The following GALNT13 variants were observed in gnomAD, a reference collection of about 807,000 sequenced individuals.
GALNT13 encodes the protein UDP-GalNAc:polypeptide N-acetylgalactosaminyltransferase 13.
Under a neutral mutation model 64.2 loss-of-function variants are expected in GALNT13, and 28 were observed. That is an observed-to-expected ratio of 0.44 (90% CI 0.32 to 0.60). The LOEUF is 0.60. GALNT13 is among the 20% of genes least tolerant of loss of function. The pLI is 0.05. For missense variants in GALNT13, 577 were observed against 669.8 expected, an observed-to-expected ratio of 0.86 and a Z score of 1.53; for synonymous variants, 214 against 224.6, an observed-to-expected ratio of 0.95 and a Z score of 0.42.
chr2:153,235,546 A>G, the GALNT13 span, among the ~76,000 whole-genome samples: 1 of 152,150 alleles, frequency 6.6e-6, no homozygotes, highest in Non-Finnish European at 1.5e-5. Context: ...CCTCACTGGC[A>G]TCTTAAATCT....
chr2:153,386,039 A>G, the GALNT13 span, among the ~76,000 whole-genome samples: 1 of 151,904 alleles, frequency 6.6e-6, no homozygotes, highest in African/African-American at 2.4e-5. Flanking sequence ...ATCAATGTCA[A>G]AATAACTGTC....
At chr2:153,341,607 T>TA in the GALNT13 span, among the ~76,000 whole-genome samples, 1 of 152,198 alleles carries the variant, frequency 6.6e-6, no homozygotes, top group Non-Finnish European at 1.5e-5. Context: ...TGGTAAGTGA[T>TA]AAACAAAATT....
At chr2:153,374,852 C>T in the GALNT13 span, among the ~76,000 whole-genome samples, 1 of 152,126 alleles carries the variant, frequency 6.6e-6, no homozygotes, top group Admixed American at 6.6e-5. Context: ...TTGCTTTTTC[C>T]CTCACCTCTT....
chr2:154,315,824 T>C (rs1382460140), intron 9 of GALNT13, among the ~76,000 whole-genome samples: 5 of 152,214 alleles, frequency 3.3e-5, no homozygotes, highest in Admixed American at 3.3e-4. Flanking sequence ...AATTAAGATA[T>C]ATTCTAAGCA....
the GALNT13 span, among the ~76,000 whole-genome samples, chr2:153,374,168 A>G: frequency 6.6e-6 from 1 of 152,178 alleles, no homozygotes; most frequent in East Asian, 1.9e-4. Flanking sequence ...AAGAATTGCC[A>G]TACCATTTTG....
chr2:153,870,027 A>T (rs1685823610), upstream of GALNT13, among the ~76,000 whole-genome samples: 3 of 151,922 alleles, frequency 2.0e-5, no homozygotes, highest in Non-Finnish European at 4.4e-5. Context: ...CACCCTCAAG[A>T]CTAATAAGTA....
the GALNT13 span, among the ~76,000 whole-genome samples, chr2:153,678,824 C>G: frequency 6.6e-6 from 1 of 151,948 alleles, no homozygotes; most frequent in Non-Finnish European, 1.5e-5. Flanking sequence ...AAGGGACAGA[C>G]AGGGGTAGGT....
At chr2:153,433,753 A>G in the GALNT13 span, among the ~76,000 whole-genome samples, 1 of 152,174 alleles carries the variant, frequency 6.6e-6, no homozygotes, top group Admixed American at 6.6e-5. Context: ...AAGAGTTTTA[A>G]CATCATTAAA....
the GALNT13 span, among the ~76,000 whole-genome samples, chr2:153,772,845 T>C: frequency 6.6e-6 from 1 of 152,208 alleles, no homozygotes. Flanking sequence ...GGCCAGATGG[T>C]AACAACCCTG....
At chr2:153,679,662 C>G in the GALNT13 span, among the ~76,000 whole-genome samples, 1 of 151,962 alleles carries the variant, frequency 6.6e-6, no homozygotes, top group Non-Finnish European at 1.5e-5. Flanking sequence ...AAAAATTTCT[C>G]CCACAAATCT....
the GALNT13 span, among the ~76,000 whole-genome samples, chr2:153,181,848 T>C: frequency 6.8e-6 from 1 of 146,420 alleles, no homozygotes; most frequent in Non-Finnish European, 1.5e-5. Context: ...TATATAATTA[T>C]ATAAGTATAT....
chr2:153,393,992 C>A, the GALNT13 span, among the ~76,000 whole-genome samples: 15,889 of 50,978 alleles, frequency 0.31, 851 homozygotes, highest in Middle Eastern at 0.4. Context: ...ACACACACAC[C>A]CCCTATTGGT....
chr2:154,329,110 T>C (rs572738682), intron 9 of GALNT13, among the ~76,000 whole-genome samples: 1 of 152,272 alleles, frequency 6.6e-6, no homozygotes, highest in East Asian at 1.9e-4. Flanking sequence ...ATTTGGTTCC[T>C]TTTTTCTTTT....
chr2:153,365,213 C>T, the GALNT13 span, among the ~76,000 whole-genome samples: 1 of 152,122 alleles, frequency 6.6e-6, no homozygotes, highest in Admixed American at 6.5e-5. Flanking sequence ...AACTGGACCC[C>T]TTCCTCACAC....
At chr2:154,022,564 C>A (rs980748517) in intron 3 of GALNT13, among the ~76,000 whole-genome samples, 3 of 151,842 alleles carry the variant, frequency 2.0e-5, no homozygotes, top group Non-Finnish European at 4.4e-5. Context: ...TTTTTTATTG[C>A]GTCTATCTGA....
intron 4 of GALNT13, among the ~76,000 whole-genome samples, chr2:154,226,493 A>T (rs1384917436): frequency 6.6e-6 from 1 of 152,196 alleles, no homozygotes; most frequent in Non-Finnish European, 1.5e-5. Flanking sequence ...AGAATAAAAT[A>T]CAAAGAGAAA....
chr2:153,201,980 T>C, the GALNT13 span, among the ~76,000 whole-genome samples: 3 of 146,276 alleles, frequency 2.1e-5, no homozygotes, highest in Admixed American at 6.8e-5. Flanking sequence ...TTTCTTTTTT[T>C]TTTTTTTTTT....
At chr2:153,844,436 T>C in the GALNT13 span, among the ~76,000 whole-genome samples, 13 of 152,152 alleles carry the variant, frequency 8.5e-5, no homozygotes, top group African/African-American at 2.9e-4. Flanking sequence ...CTGCAAAGGA[T>C]AGCAGGGCCC....
chr2:153,725,087 A>C, the GALNT13 span, among the ~76,000 whole-genome samples: 1 of 149,530 alleles, frequency 6.7e-6, no homozygotes, highest in Admixed American at 6.6e-5. Context: ...CTGGATTAAG[A>C]AAATGTGGCA....
Sources: gnomAD v4.1 joint callset for allele counts (sites outside exome capture counted in the v4.1 genomes callset) on GRCh38, gnomAD v4.1.1 for gene constraint, MANE v1.5 for transcripts, NCBI Gene and HGNC (gene_info 2026-07-23, HGNC 2026-07-21) for gene names.